Variants in HS3ST4 observed in about 807,000 individuals in gnomAD.
HS3ST4 encodes heparan sulfate-glucosamine 3-sulfotransferase 4, also known as heparan sulfate glucosamine 3-O-sulfotransferase 4.
A neutral mutation model predicts 29.2 loss-of-function variants in HS3ST4; 17 were observed. The ratio of observed to expected loss-of-function variants is 0.58; its 90% CI spans 0.40 to 0.87. HS3ST4 has a LOEUF of 0.87. HS3ST4 is among the 40% of genes least tolerant of loss of function. HS3ST4 has a pLI of 0.00. For synonymous variants in HS3ST4, 314 were observed against 285.7 expected (o/e 1.10, Z -1.00); for missense variants, 627 against 634.5 (o/e 0.99, Z 0.13).
At chr16:26,052,767 A>G (rs558541255) in intron 1 of HS3ST4, among the ~76,000 whole-genome samples, 3 of 152,362 alleles carry the variant, frequency 2.0e-5, no homozygotes, top group Non-Finnish European at 4.4e-5. Context: ...TGCCCTCAAC[A>G]GTCCTCACCA....
At chr16:25,845,050 G>T (rs1401486628) in intron 1 of HS3ST4, among the ~76,000 whole-genome samples, 1 of 152,086 alleles carries the variant, frequency 6.6e-6, no homozygotes, top group Non-Finnish European at 1.5e-5. Context: ...CCTGTTGGGG[G>T]GTGGGGTTGG....
intron 1 of HS3ST4, among the ~76,000 whole-genome samples, chr16:25,693,858 C>T (rs1966274686): frequency 6.6e-6 from 1 of 152,216 alleles, no homozygotes; most frequent in Non-Finnish European, 1.5e-5. Flanking sequence ...TCCTTCGCAA[C>T]AGATTGGAGC....
At chr16:26,014,184 A>G (rs1367310779) in intron 1 of HS3ST4, among the ~76,000 whole-genome samples, 1 of 152,092 alleles carries the variant, frequency 6.6e-6, no homozygotes, top group Non-Finnish European at 1.5e-5. Context: ...TGTCTATCCT[A>G]CTAGTATGTA....
intron 1 of HS3ST4, among the ~76,000 whole-genome samples, chr16:26,084,355 C>T (rs533336254): frequency 1.9e-4 from 29 of 152,304 alleles, no homozygotes; most frequent in Admixed American, 1.5e-3. Context: ...TTCTCAACAC[C>T]GTCAGGGTCT....
intron 1 of HS3ST4, among the ~76,000 whole-genome samples, chr16:25,939,597 C>T (rs1403093341): frequency 1.3e-5 from 2 of 152,090 alleles, no homozygotes; most frequent in African/African-American, 4.8e-5. Flanking sequence ...CCTCAGTCTC[C>T]CAAAGTGTTG....
intron 1 of HS3ST4, among the ~76,000 whole-genome samples, chr16:26,011,480 A>C (rs1969310185): frequency 1.3e-5 from 2 of 152,190 alleles, no homozygotes; most frequent in African/African-American, 4.8e-5. Context: ...GAAGTGCTTG[A>C]ACGCAGGATG....
intron 1 of HS3ST4, among the ~76,000 whole-genome samples, chr16:25,749,156 A>G (rs1402288829): frequency 6.6e-6 from 1 of 152,174 alleles, no homozygotes; most frequent in Non-Finnish European, 1.5e-5. Context: ...GCATTCTTAT[A>G]GGCTTTTTCA....
At chr16:26,115,023 T>C (rs1426835629) in intron 1 of HS3ST4, among the ~76,000 whole-genome samples, 1 of 152,148 alleles carries the variant, frequency 6.6e-6, no homozygotes, top group Admixed American at 6.5e-5. Context: ...GTTTGCAATA[T>C]ACCATAAAAC....
chr16:25,846,156 C>T (rs1460278832), intron 1 of HS3ST4, among the ~76,000 whole-genome samples: 5 of 152,196 alleles, frequency 3.3e-5, no homozygotes, highest in African/African-American at 1.2e-4. Context: ...GTAGCAGTGC[C>T]AGTGGCATCT....
intron 1 of HS3ST4, among the ~76,000 whole-genome samples, chr16:25,907,222 A>G (rs548894786): frequency 6.6e-6 from 1 of 152,244 alleles, no homozygotes; most frequent in East Asian, 1.9e-4. Flanking sequence ...AAATAAAAAA[A>G]GATACTTTGG....
chr16:25,706,481 G>A (rs1596548900), intron 1 of HS3ST4, among the ~76,000 whole-genome samples: 1 of 152,086 alleles, frequency 6.6e-6, no homozygotes, highest in African/African-American at 2.4e-5. Context: ...CGTCATCTAG[G>A]TTTTAAGCCC....
rs186321582 is a variant in HS3ST4 at position 25,813,867 on chromosome 16, T to C, written c.734+120716T>C. Among the ~76,000 whole-genome samples, 13 of 152,282 alleles carry C rather than the reference T, an allele frequency of 8.5e-5. No individual in the cohort carries two copies. The East Asian group carries it at 2.5e-3, about 29-fold the overall frequency. ...ATCGGGTGAGTGGATAAATAAATTGTGGTGAGATAGGAATATTCCATTCAC... is the reference window on the plus strand; with the variant it reads ...ATCGGGTGAGTGGATAAATAAATTGCGGTGAGATAGGAATATTCCATTCAC... On this transcript the variant is annotated intron_variant, in intron 1 of 1. Transcript: ENST00000331351.
chr16:25,695,077 T>C (rs1192001962), intron 1 of HS3ST4, among the ~76,000 whole-genome samples: 1 of 152,230 alleles, frequency 6.6e-6, no homozygotes, highest in African/African-American at 2.4e-5. Flanking sequence ...CTACCTTGTT[T>C]GACGTGGCTC....
chr16:25,964,307 T>C (rs1053884508), intron 1 of HS3ST4, among the ~76,000 whole-genome samples: 3 of 152,166 alleles, frequency 2.0e-5, no homozygotes, highest in Admixed American at 6.5e-5. Context: ...ACGAGTTCAG[T>C]TGTACTCCAG....
At chr16:25,957,118 A>G (rs4238929) in intron 1 of HS3ST4, among the ~76,000 whole-genome samples, 76,329 of 151,818 alleles carry the variant, frequency 0.5, 19,692 homozygotes, top group African/African-American at 0.61. Flanking sequence ...TGGTGAAGGC[A>G]GGAAGAGGCT....
chr16:25,789,454 C>T (rs1966863993), intron 1 of HS3ST4, among the ~76,000 whole-genome samples: 1 of 30,920 alleles, frequency 3.2e-5, no homozygotes, highest in Non-Finnish European at 6.1e-5. Flanking sequence ...TTCCTTCCTT[C>T]CTTCCTTCCT....
chr16:25,988,349 C>G (rs146987142), intron 1 of HS3ST4, among the ~76,000 whole-genome samples: 52 of 152,318 alleles, frequency 3.4e-4, no homozygotes, highest in African/African-American at 1.3e-3. Flanking sequence ...GCTGTACCTC[C>G]TGAAACAGAT....
chr16:25,970,490 T>G (rs1407567917), intron 1 of HS3ST4, among the ~76,000 whole-genome samples: 3 of 152,180 alleles, frequency 2.0e-5, no homozygotes, highest in Admixed American at 6.5e-5. Flanking sequence ...ATTCAATCAT[T>G]CACTCATTCA....
intron 1 of HS3ST4, among the ~76,000 whole-genome samples, chr16:25,763,911 G>A (rs553665659): frequency 6.6e-6 from 1 of 152,316 alleles, no homozygotes; most frequent in Admixed American, 6.5e-5. Flanking sequence ...ATGGGGACAG[G>A]AAAGGTTGCC....
Sources: allele counts gnomAD v4.1 joint callset (sites outside exome capture counted in the v4.1 genomes callset), GRCh38; gene constraint gnomAD v4.1.1; transcripts MANE v1.5; gene names NCBI Gene and HGNC (gene_info 2026-07-23, HGNC 2026-07-21).